SLC39A1: variants seen among roughly 807,000 people sequenced by gnomAD.
SLC39A1 encodes the protein zinc transporter ZIP1.
In SLC39A1, 17 loss-of-function variants were observed where a neutral mutation model predicts 21.4. The ratio of observed to expected loss-of-function variants is 0.79; its 90% CI spans 0.54 to 1.19. SLC39A1 has a LOEUF of 1.19. SLC39A1 is among the 50% of genes most tolerant of loss of function. The pLI, the probability that SLC39A1 is intolerant of heterozygous loss-of-function variation, is 0.00. For missense variants in SLC39A1, 343 were observed against 399.8 expected (o/e 0.86, Z 1.21); for synonymous variants, 183 against 185.9 (o/e 0.98, Z 0.13).
chr1:153,963,810 A>G (rs1466927905), upstream of SLC39A1: 4 of 152,336 alleles, frequency 2.6e-5, no homozygotes, highest in Non-Finnish European at 4.4e-5. Flanking sequence ...GGGCCAGTCA[A>G]CAAAGGCTTT....
upstream of SLC39A1, among the ~76,000 whole-genome samples, chr1:153,965,758 T>A (rs767210054): frequency 4.0e-5 from 6 of 151,828 alleles, no homozygotes; most frequent in Non-Finnish European, 8.8e-5. Context: ...GGCTAATTTT[T>A]GTATTTTTAG....
At chr1:153,961,439 T>C (rs1159436245) in intron 3 of SLC39A1, among the ~76,000 whole-genome samples, 1 of 152,178 alleles carries the variant, frequency 6.6e-6, no homozygotes, top group Non-Finnish European at 1.5e-5. Context: ...CCCCTCCCCA[T>C]TGTGACAACT....
upstream of SLC39A1, chr1:153,966,469 T>A (rs1311412288): frequency 6.6e-6 from 1 of 152,186 alleles, no homozygotes; most frequent in Non-Finnish European, 1.5e-5. Flanking sequence ...GGTGAAACCC[T>A]GTCTCTACTA....
In SLC39A1 at chr1:153,962,225, C is replaced by T. The variant is rs1442882491; in HGVS notation, c.313G>A (p.Val105Met). 5.6e-6 allele frequency: 9 copies of T among 1,613,814 alleles called. No individual in the cohort carries two copies. The highest frequency in any genetic ancestry group is 2.2e-5 in the East Asian group (1 of 44,902). ...ATGCCCAGGCCAGTGCTCACCGTCACGTGCAAGGCTGCCAGGGCCTCATCT... is the reference window on the plus strand; with the variant it reads ...ATGCCCAGGCCAGTGCTCACCGTCATGTGCAAGGCTGCCAGGGCCTCATCT... ...AIDEALAALH[V>M]TLQFPLQEFI... Residue 105 changes from valine to methionine, a missense_variant, in exon 3 of 4, where the codon GTG (valine) becomes ATG (methionine). Physicochemically the swap from Val to Met is conservative, Grantham distance 21. Transcript: ENST00000356205.
At chr1:153,960,902 CA>C in intron 3 of SLC39A1, 148 bp from the exon 4 acceptor site, 1 of 706,614 alleles carries the variant, frequency 1.4e-6, no homozygotes, top group South Asian at 1.9e-5. Context: ...GTAACACTGA[CA>C]CAGAATGATA....
chr1:153,965,896 T>G (rs1219053930), upstream of SLC39A1, among the ~76,000 whole-genome samples: 1 of 151,912 alleles, frequency 6.6e-6, no homozygotes. Context: ...CCAATAGATC[T>G]CCTCAATTTT....
chr1:153,960,904 CAG>C (rs1647369089), intron 3 of SLC39A1, 150 bp from the exon 4 acceptor site: 2 of 691,838 alleles, frequency 2.9e-6, no homozygotes, highest in East Asian at 5.4e-5. Flanking sequence ...AACACTGACA[CAG>C]AATGATACGT....
intron 3 of SLC39A1, among the ~76,000 whole-genome samples, chr1:153,961,538 G>A (rs576692100): frequency 7.7e-4 from 117 of 152,242 alleles, no homozygotes; most frequent in Non-Finnish European, 1.3e-3. Flanking sequence ...TACATGAAAA[G>A]GTCACACATT....
chr1:153,967,436 T>A (rs1282781180), upstream of SLC39A1: 1 of 152,238 alleles, frequency 6.6e-6, no homozygotes, highest in Non-Finnish European at 1.5e-5. Context: ...CGGCGATTCA[T>A]ATTCTGGCGC....
At chr1:153,965,768 G>T (rs1647747894), upstream of SLC39A1, among the ~76,000 whole-genome samples, 1 of 151,738 alleles carries the variant, frequency 6.6e-6, no homozygotes, top group African/African-American at 2.4e-5. Context: ...TGTATTTTTA[G>T]TAGAGACGGG....
chr1:153,962,895 C>T, intron 1 of SLC39A1, 148 bp from the exon 2 acceptor site: 4 of 535,818 alleles, frequency 7.5e-6, no homozygotes, highest in Non-Finnish European at 1.3e-5. Context: ...TACTCCTGTA[C>T]CAGGAACATT....
chr1:153,962,567 C>A lies in SLC39A1; in HGVS notation c.149G>T (p.Cys50Phe). ...GTTAGCTCCTGGCCGGCGCAGCACA[C>A]AGATGGGCACCAGGCTGCAGAGGAG... ...LTLLCSLVPI[C>F]VLRRPGANHE... Residue 50 changes from cysteine to phenylalanine, a missense_variant, in exon 2 of 4, where the codon TGT (cysteine) becomes TTT (phenylalanine). Transcript: ENST00000356205. The A allele has an allele frequency of 6.2e-7, 1 of 1,613,644 alleles. No individual in the cohort carries two copies. The highest frequency in any genetic ancestry group is 1.1e-5 in the South Asian group (1 of 90,976).
intron 1 of SLC39A1, chr1:153,963,030 G>A (rs1647576938): frequency 7.5e-6 from 2 of 268,148 alleles, no homozygotes; most frequent in South Asian, 2.9e-4. Flanking sequence ...CAGAAAACTA[G>A]GAAACTAGGA....
chr1:153,962,839 T>C (rs1416013813), intron 1 of SLC39A1, 92 bp from the exon 2 acceptor site: 5 of 1,026,484 alleles, frequency 4.9e-6, no homozygotes, highest in Non-Finnish European at 1.4e-6. Flanking sequence ...TGCAGCTCCC[T>C]GGCCCCAGCC....
In SLC39A1 at chr1:153,959,297, C is replaced by T. The variant is rs1396990415; in HGVS notation, c.*801G>A. On this transcript the variant is annotated 3_prime_UTR_variant, in exon 4 of 4. Transcript: ENST00000356205. ...AATGTTTTGGCAGCTCAGTGTTTAT[C>T]ATCTGGGCATGGGACACCATGTCCA... 1.8e-5 allele frequency: 7 copies of T among 398,878 alleles called. No homozygotes were observed. The highest frequency in any genetic ancestry group is 4.4e-6 in the Non-Finnish European group (1 of 226,068). The allele number at this position is 398,878 out of a possible 1,614,324, so 24.7% of individuals were successfully genotyped here. A position where few individuals can be genotyped will look rare whatever the true frequency, so the allele number is the denominator to read the frequency against.
At chr1:153,962,461 C>A (rs770280183) in intron 2 of SLC39A1, 68 bp downstream of exon 2, 6 of 1,576,906 alleles carry the variant, frequency 3.8e-6, no homozygotes, top group Non-Finnish European at 5.2e-6. Context: ...TTTGGTCACT[C>A]CCCGCCAGCC....
At position 153,960,398 on chromosome 1, in the gene SLC39A1, C is replaced by G; in HGVS notation, c.675G>C (p.Leu225=). The G allele has an allele frequency of 6.2e-7, 1 of 1,614,064 alleles. No individual in the cohort carries two copies. Among genetic ancestry groups the G allele is most frequent in the East Asian group, 2.2e-5 (1 of 44,890 alleles). The change falls in exon 4 of 4, where the codon CTG becomes CTC. Residue 225 remains leucine (L), a synonymous_variant. Transcript: ENST00000356205. ...GGTGGCTCTGCAACAGCCGCAGGGACAGGCTGACAGCCAGGATGCCCTTGT... is the reference window on the plus strand; with the variant it reads ...GGTGGCTCTGCAACAGCCGCAGGGAGAGGCTGACAGCCAGGATGCCCTTGT... The part of the protein sequence containing the change: ...LLHKGILAVS[L]SLRLLQSHLR...
upstream of SLC39A1, chr1:153,966,579 C>A (rs193222625): frequency 3.0e-4 from 45 of 152,156 alleles, no homozygotes; most frequent in African/African-American, 1.1e-3. Flanking sequence ...TGCAGTGAGC[C>A]GAGATCGAGC....
At position 153,960,749 on chromosome 1, in the gene SLC39A1, C is replaced by T. The variant is rs1322909913; in HGVS notation, c.324G>A (p.Gln108=). The change falls in exon 4 of 4, where the codon CAG becomes CAA. Residue 108 remains glutamine (Q), a synonymous_variant. Coordinates refer to ENST00000356205, the MANE Select transcript of SLC39A1 (RefSeq NM_001271958.2). ...CCAGGATGAACTCTTGCAGTGGGAACTGGAGCTGTGGGCAGAAGCAGCAGC... is the reference window on the plus strand; with the variant it reads ...CCAGGATGAACTCTTGCAGTGGGAATTGGAGCTGTGGGCAGAAGCAGCAGC... ...EALAALHVTL[Q]FPLQEFILAM... is the part of the protein sequence containing the mutation. The T allele has an allele frequency of 6.2e-6, 10 of 1,605,278 alleles. No individual in the cohort carries two copies. The highest frequency in any genetic ancestry group is 7.6e-6 in the Non-Finnish European group (9 of 1,177,258).
Sources: gnomAD v4.1 joint callset for allele counts (sites outside exome capture counted in the v4.1 genomes callset) on GRCh38, gnomAD v4.1.1 for gene constraint, MANE v1.5 for transcripts, NCBI Gene and HGNC (gene_info 2026-07-23, HGNC 2026-07-21) for gene names.